The following USH2A variants were observed in gnomAD, a reference collection of about 807,000 sequenced individuals.
The protein encoded by USH2A is usherin.
USH2A carries 443 observed loss-of-function variants against 538.9 expected under a neutral mutation model. The observed-to-expected ratio is 0.82, with a 90% CI of 0.76 to 0.89. The LOEUF (loss-of-function observed/expected upper bound fraction) is 0.89. USH2A is among the 40% of genes least tolerant of loss of function. The pLI, the probability that USH2A is intolerant of heterozygous loss-of-function variation, is 0.00. For synonymous variants in USH2A, 2,413 were observed against 2,273.5 expected (o/e 1.06, Z -1.75); for missense variants, 6,633 against 6,324.8 (o/e 1.05, Z -1.65).
At chr1:215,700,786 G>A (rs1658987662) in intron 61 of USH2A, among the ~76,000 whole-genome samples, 1 of 151,922 alleles carries the variant, frequency 6.6e-6, no homozygotes, top group African/African-American at 2.4e-5. Context: ...TTTTTGAAGG[G>A]TTTTTCATGT....
intron 11 of USH2A, among the ~76,000 whole-genome samples, chr1:216,286,449 C>T (rs2036885931): frequency 6.6e-6 from 1 of 152,092 alleles, no homozygotes; most frequent in South Asian, 2.1e-4. Context: ...ATTCTTCTGG[C>T]CAGGTGTGGT....
At chr1:215,913,189 TG>T (rs1665859363) in intron 38 of USH2A, among the ~76,000 whole-genome samples, 1 of 152,118 alleles carries the variant, frequency 6.6e-6, no homozygotes, top group African/African-American at 2.4e-5. Flanking sequence ...TGCCAGGTGA[TG>T]GGTGCATAAT....
At chr1:216,350,301 T>C (rs903665959) in intron 4 of USH2A, among the ~76,000 whole-genome samples, 1 of 151,986 alleles carries the variant, frequency 6.6e-6, no homozygotes, top group African/African-American at 2.4e-5. Context: ...CTCCCAAATT[T>C]CATGTCATTT....
chr1:216,218,252 A>G (rs1196381362), intron 14 of USH2A, among the ~76,000 whole-genome samples: 12 of 152,148 alleles, frequency 7.9e-5, no homozygotes, highest in South Asian at 2.1e-4. Context: ...AATTTCTTGG[A>G]CCCAAAGTTG....
intron 11 of USH2A, among the ~76,000 whole-genome samples, chr1:216,282,746 T>C (rs957622423): frequency 6.6e-6 from 1 of 152,204 alleles, no homozygotes; most frequent in Non-Finnish European, 1.5e-5. Context: ...GGTCAATGTC[T>C]GCAAAGAAGT....
At chr1:215,689,989 T>C (rs538891344) in intron 61 of USH2A, among the ~76,000 whole-genome samples, 1 of 152,298 alleles carries the variant, frequency 6.6e-6, no homozygotes, top group South Asian at 2.1e-4. Flanking sequence ...ATCTTCTCTA[T>C]CTAGTTCTGG....
chr1:215,629,638 C>T (rs1311973727), intron 70 of USH2A, among the ~76,000 whole-genome samples: 1 of 152,046 alleles, frequency 6.6e-6, no homozygotes, highest in Non-Finnish European at 1.5e-5. Flanking sequence ...CTGATATTAA[C>T]ATCAGAGAGA....
intron 61 of USH2A, among the ~76,000 whole-genome samples, chr1:215,689,028 G>A (rs993562936): frequency 6.0e-5 from 9 of 150,772 alleles, no homozygotes; most frequent in Non-Finnish European, 6.0e-5. Flanking sequence ...TGGATTGAAT[G>A]TAGAAGGCAA....
intron 41 of USH2A, among the ~76,000 whole-genome samples, chr1:215,886,085 G>A (rs943431547): frequency 2.6e-5 from 4 of 152,246 alleles, no homozygotes; most frequent in Admixed American, 2.0e-4. Flanking sequence ...CTGATGTTCC[G>A]TAAATGTCAA....
chr1:215,701,299 T>A (rs563064041), intron 61 of USH2A, among the ~76,000 whole-genome samples: 1 of 152,330 alleles, frequency 6.6e-6, no homozygotes, highest in Non-Finnish European at 1.5e-5. Flanking sequence ...GGGTGGAGAA[T>A]TCTGTAGATG....
chr1:215,926,654 G>A (rs1262288447), intron 38 of USH2A, among the ~76,000 whole-genome samples: 8 of 59,738 alleles, frequency 1.3e-4, no homozygotes, highest in Non-Finnish European at 2.5e-4. Context: ...TTTTGCTCTT[G>A]TTGCCCAGGC....
intron 4 of USH2A, among the ~76,000 whole-genome samples, chr1:216,351,649 T>C (rs1032519193): frequency 6.6e-6 from 1 of 152,082 alleles, no homozygotes; most frequent in Non-Finnish European, 1.5e-5. Flanking sequence ...GCTTGACTGA[T>C]ATTTAACAGA....
At chr1:215,984,487 G>A (rs747808) in intron 35 of USH2A, among the ~76,000 whole-genome samples, 102,343 of 152,094 alleles carry the variant, frequency 0.67, 34,755 homozygotes, top group East Asian at 0.89. Context: ...TAATGATAGG[G>A]TTTTTAAGGT....
At chr1:215,836,871 T>C (rs1170534513) in intron 47 of USH2A, among the ~76,000 whole-genome samples, 1 of 151,658 alleles carries the variant, frequency 6.6e-6, no homozygotes, top group Non-Finnish European at 1.5e-5. Flanking sequence ...TTCTATATTA[T>C]TATAGCCACA....
chr1:215,836,470 ATATATATATAATATATAT>A (rs1452543792), intron 47 of USH2A, among the ~76,000 whole-genome samples: 283 of 10,004 alleles, frequency 0.028, 23 homozygotes, highest in South Asian at 0.039. Flanking sequence ...TATATTATAT[ATATATATATAATATATAT>A]TATATATATA....
Position 215,681,008 on chromosome 1 carries a change from A to G in USH2A, c.12067-632T>C, listed in dbSNP as rs367670258. Among the ~76,000 whole-genome samples the G allele has an allele frequency of 1.5e-4, 23 of 152,316 alleles. 1 individual carries two copies. The highest frequency in any genetic ancestry group is 1.2e-3 in the East Asian group (6 of 5,188). ...TTAATATAGATATAAAAATATTTTC[A>G]TTTGTTAAAAGCACCATAAGTAAAA... On this transcript the variant is annotated intron_variant, in intron 61 of 71. Coordinates refer to ENST00000307340, the MANE Select transcript of USH2A (RefSeq NM_206933.4).
chr1:215,670,824 A>T, intron 64 of USH2A, 148 bp downstream of exon 64: 2 of 787,880 alleles, frequency 2.5e-6, no homozygotes, highest in Non-Finnish European at 2.0e-6. Context: ...TTCCTCATTT[A>T]CCACTTAAAA....
At chr1:216,399,095 G>A (rs773744106) in intron 3 of USH2A, among the ~76,000 whole-genome samples, 37 of 152,250 alleles carry the variant, frequency 2.4e-4, no homozygotes, top group Non-Finnish European at 4.4e-4. Context: ...ACTTAGTGAA[G>A]TGGTGCAAGG....
At chr1:215,773,476 G>GTC (rs1336497732) in intron 55 of USH2A, among the ~76,000 whole-genome samples, 1 of 120,728 alleles carries the variant, frequency 8.3e-6, no homozygotes, top group Non-Finnish European at 1.6e-5. Context: ...CTTTACGGAT[G>GTC]TCTCTCTGTC....
Sources: gnomAD v4.1 joint callset for allele counts (sites outside exome capture counted in the v4.1 genomes callset) on GRCh38, gnomAD v4.1.1 for gene constraint, MANE v1.5 for transcripts, NCBI Gene and HGNC (gene_info 2026-07-23, HGNC 2026-07-21) for gene names.